The following GPCPD1 variants were observed in gnomAD, a reference collection of about 807,000 sequenced individuals.
GPCPD1 encodes the protein glycerophosphocholine phosphodiesterase GPCPD1.
In GPCPD1, 29 loss-of-function variants were observed where a neutral mutation model predicts 89.2. That is an observed-to-expected ratio of 0.33 (90% confidence interval 0.24 to 0.44). The LOEUF is 0.44. Among genes scored for constraint, GPCPD1 ranks in the 20% least tolerant of loss-of-function variants. GPCPD1 has a pLI of 1.00. For synonymous variants in GPCPD1, 258 were observed against 266.3 expected (o/e 0.97, Z 0.30); for missense variants, 594 against 808.9 (o/e 0.73, Z 3.22).
chr20:5,590,023 T>G (rs769301882), intron 4 of GPCPD1, among the ~76,000 whole-genome samples: 9 of 152,228 alleles, frequency 5.9e-5, no homozygotes, highest in Non-Finnish European at 1.0e-4. Context: ...TCTTAATGAT[T>G]GTTTTCTTAA....
Position 5,545,892 on chromosome 20 carries a change from G to A in GPCPD1, c.*1769C>T, listed in dbSNP as rs1985004682. 6.6e-6 allele frequency: 1 copy of A among 152,132 alleles called. No individual in the cohort carries two copies. Among genetic ancestry groups the A allele is most frequent in the African/African-American group, 2.4e-5 (1 of 41,382 alleles). 9.4% of individuals were successfully genotyped at this position (152,132 alleles called of 1,614,324 possible). On this transcript the variant is annotated 3_prime_UTR_variant, in exon 20 of 20. Coordinates refer to ENST00000379019, the MANE Select transcript of GPCPD1 (RefSeq NM_019593.5). The stretch of plus-strand genomic sequence containing the variant: ...TCTCTTTATGATCTGCTTCCCCTCT[G>A]TCCTTGAGTCTTCAAAATGGAGCCA...
chr20:5,601,235 T>C (rs1427367912), intron 2 of GPCPD1, among the ~76,000 whole-genome samples: 2 of 151,940 alleles, frequency 1.3e-5, no homozygotes, highest in Non-Finnish European at 2.9e-5. Flanking sequence ...AGGCACTGTG[T>C]TGTGCACCTA....
rs534433776 is a variant in GPCPD1, at chr20:5,582,655, A to G, written c.349+1626T>C. Among the ~76,000 whole-genome samples the G allele has an allele frequency of 5.8e-4, 88 of 152,102 alleles. 2 individuals are homozygous for G. In the South Asian group the frequency reaches 0.018, roughly 31 times the overall value. On this transcript the variant is annotated intron_variant, in intron 6 of 19. Coordinates refer to ENST00000379019, the MANE Select transcript of GPCPD1 (RefSeq NM_019593.5). ...TGTAATCCCAACACTTTGGGAGGCC[A>G]AGGCAGGCAGATCACTTGAGGTCAG...
chr20:5,589,314 T>TA (rs1041923107), intron 4 of GPCPD1, among the ~76,000 whole-genome samples: 10 of 151,650 alleles, frequency 6.6e-5, no homozygotes, highest in East Asian at 1.9e-4. Flanking sequence ...TTTACTTCTT[T>TA]AAAAAAAAAT....
intron 7 of GPCPD1, among the ~76,000 whole-genome samples, chr20:5,578,818 AT>A (rs1446669562): frequency 6.6e-6 from 1 of 152,212 alleles, no homozygotes; most frequent in Non-Finnish European, 1.5e-5. Context: ...ATCTACACAT[AT>A]TTTTGCAAAG....
chr20:5,564,904 T>C, intron 15 of GPCPD1, 113 bp downstream of exon 15: 1 of 696,960 alleles, frequency 1.4e-6, no homozygotes, highest in Non-Finnish European at 2.6e-6. Flanking sequence ...TAAATTCATA[T>C]TAACATTGTC....
At chr20:5,589,887 T>A (rs1486354928) in intron 4 of GPCPD1, among the ~76,000 whole-genome samples, 1 of 152,190 alleles carries the variant, frequency 6.6e-6, no homozygotes, top group African/African-American at 2.4e-5. Flanking sequence ...AAGACAATAT[T>A]CCATTAACAG....
chr20:5,604,716 G>A (rs1328167608), intron 1 of GPCPD1, among the ~76,000 whole-genome samples: 2 of 149,942 alleles, frequency 1.3e-5, no homozygotes, highest in African/African-American at 4.9e-5. Flanking sequence ...GAGGCAGGAG[G>A]ATGACTTGAG....
At chr20:5,581,970 G>A (rs574767241) in intron 6 of GPCPD1, among the ~76,000 whole-genome samples, 1 of 148,064 alleles carries the variant, frequency 6.8e-6, no homozygotes, top group Non-Finnish European at 1.5e-5. Flanking sequence ...GGATCACGAG[G>A]TCAGGAGATC....
chr20:5,564,926 CT>C, intron 15 of GPCPD1, 90 bp downstream of exon 15: 1 of 739,602 alleles, frequency 1.4e-6, no homozygotes, highest in Non-Finnish European at 2.4e-6. Flanking sequence ...TTAACACAGC[CT>C]TTTTAGGATC....
At chr20:5,572,122 A>C (rs1216855147) in intron 11 of GPCPD1, among the ~76,000 whole-genome samples, 3 of 151,882 alleles carry the variant, frequency 2.0e-5, no homozygotes, top group Non-Finnish European at 4.4e-5. Flanking sequence ...GAGAGGCCAA[A>C]GCAGGAGGAT....
chr20:5,607,242 G>A (rs1481964928), intron 1 of GPCPD1, among the ~76,000 whole-genome samples: 1 of 151,898 alleles, frequency 6.6e-6, no homozygotes, highest in African/African-American at 2.4e-5. Flanking sequence ...AGCAAAGATA[G>A]TGCCACTGCA....
At chr20:5,578,153 G>A (rs900761026) in intron 8 of GPCPD1, among the ~76,000 whole-genome samples, 1 of 152,170 alleles carries the variant, frequency 6.6e-6, no homozygotes, top group African/African-American at 2.4e-5. Context: ...AGGCATCAAA[G>A]ACATCTGGTC....
At chr20:5,570,672 G>A (rs1256137112) in intron 11 of GPCPD1, among the ~76,000 whole-genome samples, 3 of 152,166 alleles carry the variant, frequency 2.0e-5, no homozygotes, top group East Asian at 3.9e-4. Flanking sequence ...GCCTTAGCTC[G>A]GCTCCTTAGG....
chr20:5,600,989 C>T (rs1980093817), intron 2 of GPCPD1, among the ~76,000 whole-genome samples: 1 of 151,240 alleles, frequency 6.6e-6, no homozygotes, highest in East Asian at 1.9e-4. Context: ...GACTCTGTCT[C>T]GAAAAAAATT....
intron 12 of GPCPD1, chr20:5,567,770 TTTCA>T (rs1178979437): frequency 2.4e-6 from 1 of 423,172 alleles, no homozygotes; most frequent in East Asian, 3.9e-5. Context: ...ATATTCTGGC[TTTCA>T]TTTTTATTGC....
intron 7 of GPCPD1, among the ~76,000 whole-genome samples, chr20:5,579,214 CA>C (rs1254134159): frequency 6.6e-6 from 1 of 151,952 alleles, no homozygotes; most frequent in East Asian, 1.9e-4. Flanking sequence ...TTATTAAACA[CA>C]TATAATATTC....
At chr20:5,590,853 G>A (rs948986846) in intron 4 of GPCPD1, among the ~76,000 whole-genome samples, 1 of 152,142 alleles carries the variant, frequency 6.6e-6, no homozygotes, top group African/African-American at 2.4e-5. Context: ...ATGAGTGAAT[G>A]TTAGCAGCTA....
intron 19 of GPCPD1, among the ~76,000 whole-genome samples, chr20:5,553,688 G>C (rs541929241): frequency 1.3e-5 from 2 of 152,292 alleles, no homozygotes; most frequent in South Asian, 2.1e-4. Context: ...TAATGGCCTG[G>C]ATAGAAGATC....
Sources: allele counts gnomAD v4.1 joint callset (sites outside exome capture counted in the v4.1 genomes callset), GRCh38; gene constraint gnomAD v4.1.1; transcripts MANE v1.5; gene names NCBI Gene and HGNC (gene_info 2026-07-23, HGNC 2026-07-21).